ZNF827: variants seen among roughly 807,000 people sequenced by gnomAD.
ZNF827 encodes the protein zinc finger protein 827.
ZNF827 carries 13 observed loss-of-function variants against 102.4 expected under a neutral mutation model. The ratio of observed to expected loss-of-function variants is 0.13; its 90% confidence interval spans 0.08 to 0.20. The LOEUF (loss-of-function observed/expected upper bound fraction) is 0.20, where lower values mean the gene tolerates loss of function less well. Among genes scored for constraint, ZNF827 ranks in the 10% least tolerant of loss-of-function variants. ZNF827 has a pLI of 1.00. For synonymous variants in ZNF827, 523 were observed against 536.2 expected (o/e 0.98, Z 0.34); for missense variants, 1,103 against 1,344.4 (o/e 0.82, Z 2.81).
intron 7 of ZNF827, among the ~76,000 whole-genome samples, chr4:145,824,256 A>C (rs1056486352): frequency 6.6e-6 from 1 of 152,202 alleles, no homozygotes; most frequent in African/African-American, 2.4e-5. Flanking sequence ...CAAAGGATTG[A>C]ATGTTTTTAA....
chr4:145,774,429 GC>G, intron 11 of ZNF827, 76 bp downstream of exon 11: 1 of 1,499,342 alleles, frequency 6.7e-7, no homozygotes, highest in Non-Finnish European at 9.1e-7. Context: ...CAGTGGGGAT[GC>G]TTCGGCCAGG....
chr4:145,823,430 G>A lies in ZNF827; in HGVS notation c.2375C>T (p.Ser792Leu), dbSNP rs1433444646. Residue 792 changes from serine to leucine, a missense_variant, in exon 8 of 15, where the codon TCA becomes TTA. Physicochemically the swap from Ser to Leu is moderately radical, Grantham distance 145. Around this residue, in one of 5 missense-constraint regions of ZNF827, gnomAD observed 243 missense variants for 251.6 expected, o/e 0.97. Coordinates refer to ENST00000508784, the MANE Select transcript of ZNF827 (RefSeq NM_001306215.2). Reference sequence around the variant, plus strand: ...CAACAATGTTTCCATACCTGGAGCTGATATTCTTCCGTGCAGCACGGAGTC... The same window carrying A: ...CAACAATGTTTCCATACCTGGAGCTAATATTCTTCCGTGCAGCACGGAGTC... ...PSDSVLHGRI[S>L]APETEKIVLE... 2 of 1,593,236 alleles carry A rather than the reference G, an allele frequency of 1.3e-6. No individual in the cohort carries two copies. The highest frequency in any genetic ancestry group is 2.7e-5 in the African/African-American group (2 of 74,192).
At chr4:145,776,675 A>G (rs913298495) in intron 9 of ZNF827, among the ~76,000 whole-genome samples, 6 of 152,148 alleles carry the variant, frequency 3.9e-5, no homozygotes, top group Non-Finnish European at 7.3e-5. Flanking sequence ...GAGGGGGAAT[A>G]AAACACAGCA....
rs141719437 is a variant in ZNF827 at position 145,902,446 on chromosome 4, G to C, written c.813C>G (p.His271Gln). 4.6e-5 allele frequency: 75 copies of C among 1,614,192 alleles called. No homozygotes were observed. The African/African-American group carries it at 8.3e-4, about 18-fold the overall frequency. Residue 271 changes from histidine (H) to glutamine (Q), a missense_variant, in exon 2 of 15, where the codon CAC becomes CAG. Physicochemically the swap from His to Gln is conservative, Grantham distance 24. Coordinates refer to ENST00000508784, the MANE Select transcript of ZNF827 (RefSeq NM_001306215.2). This position sits in a 1 kb window ranked among gnomAD's most constrained non-coding sequence, Gnocchi z 4.3. ...SERSLTPGQE[H>Q]PPPASSFLSL... Reference sequence around the variant, plus strand: ...AAAGGAAGGAGCTGGCCGGTGGAGGGTGCTCCTGACCAGGAGTCAAACTTC... The same window carrying C: ...AAAGGAAGGAGCTGGCCGGTGGAGGCTGCTCCTGACCAGGAGTCAAACTTC...
At chr4:145,810,283 G>A (rs888516256) in intron 8 of ZNF827, among the ~76,000 whole-genome samples, 3 of 151,924 alleles carry the variant, frequency 2.0e-5, no homozygotes, top group African/African-American at 7.3e-5. Context: ...GAAGGAAGAC[G>A]GCTAGGAATT....
At position 145,775,537 on chromosome 4, in the gene ZNF827, G is replaced by T. The variant is rs1002854411; in HGVS notation, c.2693+252C>A. On this transcript the variant is annotated intron_variant, in intron 10 of 14. Transcript: ENST00000508784. ...TTCATCATCCCCAGAGCCCGTCTCT[G>T]TCTGGAGCTCCACCCCAGAGAGCCA... Among the ~76,000 whole-genome samples the T allele has an allele frequency of 3.9e-5, 6 of 152,050 alleles. No individual in the cohort carries two copies. In the East Asian group the frequency reaches 9.7e-4, roughly 24 times the overall value.
intron 8 of ZNF827, among the ~76,000 whole-genome samples, chr4:145,818,628 A>G (rs1206147888): frequency 6.6e-6 from 1 of 152,272 alleles, no homozygotes; most frequent in Non-Finnish European, 1.5e-5. Flanking sequence ...ACTGAAGAAA[A>G]TAGTTTGCTA....
intron 8 of ZNF827, among the ~76,000 whole-genome samples, chr4:145,801,005 A>G (rs767382721): frequency 1.3e-5 from 2 of 152,216 alleles, no homozygotes; most frequent in Non-Finnish European, 2.9e-5. Flanking sequence ...AGCATGAGCT[A>G]ATTCTTATTT....
intron 4 of ZNF827, among the ~76,000 whole-genome samples, chr4:145,884,083 C>G (rs1446476966): frequency 6.6e-6 from 1 of 152,112 alleles, no homozygotes; most frequent in Non-Finnish European, 1.5e-5. Flanking sequence ...AGCAGAGAAG[C>G]CAGTGTTCTT....
intron 4 of ZNF827, among the ~76,000 whole-genome samples, chr4:145,875,995 C>T (rs1200227951): frequency 6.6e-6 from 1 of 152,102 alleles, no homozygotes; most frequent in African/African-American, 2.4e-5. Context: ...TACTGGAGAC[C>T]ACTAATATGT....
At chr4:145,929,844 T>C (rs1380659682) in intron 1 of ZNF827, among the ~76,000 whole-genome samples, 2 of 152,228 alleles carry the variant, frequency 1.3e-5, no homozygotes, top group Non-Finnish European at 2.9e-5. Context: ...GTATATGTAT[T>C]CAATTATTCC....
At chr4:145,852,227 C>T (rs1226500407) in intron 5 of ZNF827, among the ~76,000 whole-genome samples, 1 of 152,212 alleles carries the variant, frequency 6.6e-6, no homozygotes, top group Non-Finnish European at 1.5e-5. Context: ...CTTCTCCTCA[C>T]ACCTCATACC....
At chr4:145,881,301 A>C (rs1338018796) in intron 4 of ZNF827, among the ~76,000 whole-genome samples, 1 of 152,268 alleles carries the variant, frequency 6.6e-6, no homozygotes, top group African/African-American at 2.4e-5. Flanking sequence ...AGTGCTTTAA[A>C]GAAGTCCATC....
chr4:145,816,283 C>G (rs551277809), intron 8 of ZNF827, among the ~76,000 whole-genome samples: 62 of 152,354 alleles, frequency 4.1e-4, no homozygotes, highest in African/African-American at 1.5e-3. Flanking sequence ...TGGGCAGACT[C>G]AAACCATATG....
At chr4:145,843,744 A>G (rs1560988686) in intron 7 of ZNF827, among the ~76,000 whole-genome samples, 1 of 152,220 alleles carries the variant, frequency 6.6e-6, no homozygotes, top group Non-Finnish European at 1.5e-5. Flanking sequence ...GATAACTATA[A>G]GTGAGAACCG....
In ZNF827 at chr4:145,869,055, C is replaced by A. The variant is rs894811016; in HGVS notation, c.1981+1190G>T. 3.3e-5 allele frequency among the ~76,000 whole-genome samples: 5 copies of A among 152,182 alleles called. No homozygotes were observed. The East Asian group carries it at 9.6e-4, about 29-fold the overall frequency. ...TACAATCTTACTAACATCTCATCTG[C>A]ATAGGAGGTACTGCACTATCTCTGC... On this transcript the variant is annotated intron_variant, in intron 5 of 14. Transcript: ENST00000508784.
chr4:145,802,418 A>G (rs1470682333), intron 8 of ZNF827, among the ~76,000 whole-genome samples: 1 of 152,192 alleles, frequency 6.6e-6, no homozygotes, highest in East Asian at 1.9e-4. Context: ...AATCATCTCA[A>G]TAAGGATGGG....
intron 4 of ZNF827, among the ~76,000 whole-genome samples, chr4:145,874,325 G>C (rs957099535): frequency 6.6e-6 from 1 of 152,176 alleles, no homozygotes; most frequent in Admixed American, 6.5e-5. Context: ...ATTGTAATGT[G>C]CTGAGGAAAT....
intron 1 of ZNF827, among the ~76,000 whole-genome samples, chr4:145,909,146 A>C (rs1752084752): frequency 1.3e-5 from 2 of 152,236 alleles, no homozygotes; most frequent in Non-Finnish European, 2.9e-5. Flanking sequence ...GACCTTACCA[A>C]CTATTTTACC....
Sources: allele counts gnomAD v4.1 joint callset (sites outside exome capture counted in the v4.1 genomes callset), GRCh38; gene constraint gnomAD v4.1.1; regional missense constraint gnomAD v4.1.1; non-coding constraint Gnocchi (gnomAD v3.1); transcripts MANE v1.5; gene names NCBI Gene and HGNC (gene_info 2026-07-23, HGNC 2026-07-21).